FBXO15: variants seen among roughly 807,000 people sequenced by gnomAD.
The protein encoded by FBXO15 is F-box protein 15, also known as F-box only protein 15.
FBXO15 carries 30 observed loss-of-function variants against 49.5 expected under a neutral mutation model. The ratio of observed to expected loss-of-function variants is 0.61; its 90% CI spans 0.45 to 0.82. The LOEUF (loss-of-function observed/expected upper bound fraction) is 0.82. Ranked by LOEUF, FBXO15 falls within the 40% of genes least tolerant of loss-of-function variation. The pLI, the probability that FBXO15 is intolerant of heterozygous loss-of-function variation, is 0.00. For synonymous variants in FBXO15, 250 were observed against 232.7 expected (o/e 1.07, Z -0.68); for missense variants, 591 against 631.5 (o/e 0.94, Z 0.69).
intron 8 of FBXO15, among the ~76,000 whole-genome samples, chr18:74,122,204 G>A (rs1914505475): frequency 6.6e-6 from 1 of 152,176 alleles, no homozygotes; most frequent in Non-Finnish European, 1.5e-5. Flanking sequence ...TAAAATTACT[G>A]CATTAAAGCC....
chr18:74,117,344 C>T (rs4608415), intron 8 of FBXO15, among the ~76,000 whole-genome samples: 151,108 of 152,252 alleles, frequency 0.99, 74,992 homozygotes, highest in East Asian at 1. Flanking sequence ...GTTATAACAA[C>T]CATATAACCA....
At chr18:74,136,811 C>T (rs4497784) in intron 2 of FBXO15, among the ~76,000 whole-genome samples, 27,226 of 152,076 alleles carry the variant, frequency 0.18, 6,060 homozygotes, top group African/African-American at 0.52. Flanking sequence ...AAAGGGCAAG[C>T]GGCAACAGAG....
At chr18:74,080,881 T>A (rs1467021200) in intron 9 of FBXO15, among the ~76,000 whole-genome samples, 1 of 152,230 alleles carries the variant, frequency 6.6e-6, no homozygotes, top group Non-Finnish European at 1.5e-5. Flanking sequence ...ATGCTGACCC[T>A]TTAAAAGACA....
chr18:74,081,840 A>G (rs1599132978), intron 9 of FBXO15, 87 bp downstream of exon 9: 1 of 934,036 alleles, frequency 1.1e-6, no homozygotes, highest in Non-Finnish European at 1.5e-6. Flanking sequence ...TCATACATAT[A>G]TGACAATATA....
Position 74,108,685 on chromosome 18 carries a change from C to T in FBXO15, c.1138+14683G>A, listed in dbSNP as rs1016910684. Among the ~76,000 whole-genome samples, 10 of 152,102 alleles carry T rather than the reference C, an allele frequency of 6.6e-5. No homozygotes were observed. In the East Asian group the frequency reaches 1.9e-3, roughly 29 times the overall value. ...TGTCCCCAAGTTAAAAGTCAGACAT[C>T]AAACCATAGATACAGGAAGCTCAGA... On this transcript the variant is annotated intron_variant, in intron 8 of 9. Transcript: ENST00000419743.
intron 1 of FBXO15, among the ~76,000 whole-genome samples, chr18:74,142,550 G>A (rs1449928784): frequency 6.6e-6 from 1 of 152,114 alleles, no homozygotes; most frequent in Non-Finnish European, 1.5e-5. Flanking sequence ...CCTTTTTCTG[G>A]TGGTTGCCAG....
intron 8 of FBXO15, among the ~76,000 whole-genome samples, chr18:74,108,500 A>C (rs1913869219): frequency 6.7e-6 from 1 of 150,266 alleles, no homozygotes; most frequent in African/African-American, 2.5e-5. Flanking sequence ...TAAAATTGAA[A>C]AGCAAAGAGA....
intron 4 of FBXO15, 140 bp from the exon 5 acceptor site, chr18:74,129,754 T>G: frequency 1.5e-6 from 1 of 683,412 alleles, no homozygotes; most frequent in Non-Finnish European, 2.4e-6. Context: ...CCAGTATAAT[T>G]TTCACTTCAA....
chr18:74,082,755 T>C (rs1162922608), intron 8 of FBXO15, among the ~76,000 whole-genome samples: 6 of 152,164 alleles, frequency 3.9e-5, no homozygotes, highest in African/African-American at 1.4e-4. Context: ...GAACGCACCC[T>C]GAGAAGCGAC....
chr18:74,079,685 C>T (rs548848584), intron 9 of FBXO15, among the ~76,000 whole-genome samples: 3 of 152,194 alleles, frequency 2.0e-5, no homozygotes, highest in African/African-American at 7.2e-5. Flanking sequence ...ACCACATAAA[C>T]TTATGATCTG....
intron 8 of FBXO15, among the ~76,000 whole-genome samples, chr18:74,120,058 G>A (rs1456076255): frequency 1.3e-4 from 20 of 152,186 alleles, no homozygotes; most frequent in Admixed American, 1.3e-3. Flanking sequence ...GCTAATACTG[G>A]CATAGAAGGC....
rs1210137388 is a variant in FBXO15, at chr18:74,147,831, G to A, written c.-46C>T. The stretch of plus-strand genomic sequence containing the variant: ...AGGACCGCGCCAGGGCTGAAACGAA[G>A]AGTGCACGCACCGCCCCCACGCCCG... On this transcript the variant is annotated 5_prime_UTR_variant, in exon 1 of 10. Transcript: ENST00000419743. 2 of 1,466,448 alleles carry A rather than the reference G, an allele frequency of 1.4e-6. No individual in the cohort carries two copies. Among genetic ancestry groups the A allele is most frequent in the East Asian group, 2.8e-5 (1 of 36,140 alleles). 90.8% of individuals were successfully genotyped at this position (1,466,448 alleles called of 1,614,324 possible). A position where few individuals can be genotyped will look rare whatever the true frequency, so the allele number is the denominator to read the frequency against.
intron 2 of FBXO15, among the ~76,000 whole-genome samples, chr18:74,139,335 T>G (rs996888822): frequency 3.3e-5 from 5 of 152,190 alleles, no homozygotes; most frequent in African/African-American, 1.2e-4. Flanking sequence ...ACAGAGTAGG[T>G]CCTCAAATAT....
At chr18:74,139,566 C>G (rs1402663559) in intron 2 of FBXO15, among the ~76,000 whole-genome samples, 1 of 152,190 alleles carries the variant, frequency 6.6e-6, no homozygotes, top group East Asian at 1.9e-4. Context: ...AACTTGAAAT[C>G]AGGCAACTTA....
At chr18:74,114,604 T>C (rs1914152718) in intron 8 of FBXO15, among the ~76,000 whole-genome samples, 1 of 152,212 alleles carries the variant, frequency 6.6e-6, no homozygotes, top group African/African-American at 2.4e-5. Flanking sequence ...TTTCAGTATT[T>C]CCTTCACTAT....
At chr18:74,129,148 A>G (rs1188426231) in intron 5 of FBXO15, among the ~76,000 whole-genome samples, 1 of 152,210 alleles carries the variant, frequency 6.6e-6, no homozygotes, top group Non-Finnish European at 1.5e-5. Flanking sequence ...GCCATCAATC[A>G]TCCAGGAAAT....
At chr18:74,096,606 A>G (rs1337321739) in intron 8 of FBXO15, among the ~76,000 whole-genome samples, 2 of 152,050 alleles carry the variant, frequency 1.3e-5, no homozygotes. Context: ...TAGCCACAAG[A>G]AAGAAGAGCG....
At chr18:74,112,078 A>G (rs370247992) in intron 8 of FBXO15, among the ~76,000 whole-genome samples, 81 of 152,332 alleles carry the variant, frequency 5.3e-4, no homozygotes, top group African/African-American at 1.9e-3. Context: ...CACCAGGCCC[A>G]AATGGGTTCA....
At chr18:74,109,931 A>G (rs1913936035) in intron 8 of FBXO15, among the ~76,000 whole-genome samples, 2 of 152,206 alleles carry the variant, frequency 1.3e-5, no homozygotes, top group African/African-American at 2.4e-5. Context: ...ATACCTATGT[A>G]ACAAACCTGC....
Sources: allele counts gnomAD v4.1 joint callset (sites outside exome capture counted in the v4.1 genomes callset), GRCh38; gene constraint gnomAD v4.1.1; transcripts MANE v1.5; gene names NCBI Gene and HGNC (gene_info 2026-07-23, HGNC 2026-07-21).